The following LNX2 variants were observed in gnomAD, a reference collection of about 807,000 sequenced individuals.
LNX2 encodes ligand of Numb protein X 2.
A neutral mutation model predicts 66.2 loss-of-function variants in LNX2; 35 were observed. The observed-to-expected ratio is 0.53, with a 90% CI of 0.40 to 0.70. The LOEUF (loss-of-function observed/expected upper bound fraction) is 0.70. Ranked by LOEUF, LNX2 falls within the 30% of genes least tolerant of loss-of-function variation. LNX2 has a pLI of 0.00. For missense variants in LNX2, 791 were observed against 850.8 expected (o/e 0.93, Z 0.87); for synonymous variants, 337 against 315.6 (o/e 1.07, Z -0.72).
chr13:27,564,574 C>CA lies in LNX2; in HGVS notation c.856-1794dup, dbSNP rs1955182190. On this transcript the variant is annotated intron_variant, in intron 4 of 9. Transcript: ENST00000316334. ...GCTGCATATGAAACTCTAAGAGTAG[C>CA]AAAAAGCTCTAACAGCATATGGTTC... Among the ~76,000 whole-genome samples the CA allele has an allele frequency of 2.0e-5, 3 of 152,026 alleles. No individual in the cohort carries two copies. In the South Asian group the frequency reaches 6.2e-4, roughly 32 times the overall value.
chr13:27,577,484 G>A (rs565078327), intron 2 of LNX2, among the ~76,000 whole-genome samples: 9 of 151,916 alleles, frequency 5.9e-5, no homozygotes, highest in East Asian at 1.9e-4. Flanking sequence ...TGGGCCACAC[G>A]GGAAGAAGAA....
intron 2 of LNX2, among the ~76,000 whole-genome samples, chr13:27,580,419 T>G (rs2138391059): frequency 6.6e-6 from 1 of 152,242 alleles, no homozygotes; most frequent in Non-Finnish European, 1.5e-5. Context: ...GTATGCATTG[T>G]TTTTCACAGC....
At chr13:27,608,887 C>T (rs1361135213) in intron 1 of LNX2, among the ~76,000 whole-genome samples, 1 of 151,886 alleles carries the variant, frequency 6.6e-6, no homozygotes, top group Non-Finnish European at 1.5e-5. Flanking sequence ...TCACTGCAAC[C>T]TCTGCCTCCC....
At chr13:27,556,111 G>A in intron 7 of LNX2, 125 bp downstream of exon 7, 10 of 884,208 alleles carry the variant, frequency 1.1e-5, no homozygotes, top group Non-Finnish European at 1.7e-5. Context: ...CCATATGCAA[G>A]GGACAGTTTA....
At chr13:27,585,729 T>C (rs79045195) in intron 1 of LNX2, among the ~76,000 whole-genome samples, 42 of 151,888 alleles carry the variant, frequency 2.8e-4, no homozygotes, top group Non-Finnish European at 6.0e-4. Context: ...TTAGCAAGAA[T>C]ATTCACTTAT....
chr13:27,552,905 T>C (rs892191436), intron 8 of LNX2, among the ~76,000 whole-genome samples: 8 of 152,194 alleles, frequency 5.3e-5, no homozygotes, highest in African/African-American at 1.7e-4. Flanking sequence ...TCTCAGCACA[T>C]AGCGGAATGA....
At chr13:27,560,016 T>C in intron 5 of LNX2, 31 bp from the exon 6 acceptor site, 1 of 1,523,712 alleles carries the variant, frequency 6.6e-7, no homozygotes. Flanking sequence ...TTACCATAAG[T>C]GACTAATGAT....
At chr13:27,548,795 G>C (rs913010680) in intron 9 of LNX2, among the ~76,000 whole-genome samples, 1 of 152,070 alleles carries the variant, frequency 6.6e-6, no homozygotes, top group Non-Finnish European at 1.5e-5. Context: ...TTTGAAGGGG[G>C]TTATTATTTT....
At position 27,555,918 on chromosome 13, in the gene LNX2, A is replaced by AT. The variant is rs1955054734; in HGVS notation, c.1546+317dup. ...ACACAGACACTTTATTAAAAGAAAC[A>AT]TTTTTCAGTGAGATGGCCCTTTGGA... On this transcript the variant is annotated intron_variant, in intron 7 of 9. Coordinates refer to ENST00000316334, the MANE Select transcript of LNX2 (RefSeq NM_153371.4). Among the ~76,000 whole-genome samples the AT allele has an allele frequency of 4.6e-5, 7 of 152,216 alleles. No homozygotes were observed. The South Asian group carries it at 1.5e-3, about 32-fold the overall frequency.
rs1954953697 is a variant in LNX2 at position 27,547,450 on chromosome 13, A to T, written c.*885T>A. ...TAATAGTATATTAAGAAATTTCTTT[A>T]GTGTTGTCAGACTTATTTCTTCATC... On this transcript the variant is annotated 3_prime_UTR_variant, in exon 10 of 10. Coordinates refer to ENST00000316334, the MANE Select transcript of LNX2 (RefSeq NM_153371.4). 6.6e-6 allele frequency: 1 copy of T among 152,204 alleles called. No homozygotes were observed. The highest frequency in any genetic ancestry group is 6.5e-5 in the Admixed American group (1 of 15,282). 9.4% of individuals were successfully genotyped at this position (152,204 alleles called of 1,614,324 possible). A position where few individuals can be genotyped will look rare whatever the true frequency, so the allele number is the denominator to read the frequency against.
At chr13:27,574,957 C>G (rs562440084) in intron 2 of LNX2, among the ~76,000 whole-genome samples, 1 of 152,130 alleles carries the variant, frequency 6.6e-6, no homozygotes, top group African/African-American at 2.4e-5. Context: ...AACTCTCAAC[C>G]AGGAAGTCTA....
intron 1 of LNX2, among the ~76,000 whole-genome samples, chr13:27,601,439 C>T (rs1955657527): frequency 6.6e-6 from 1 of 152,176 alleles, no homozygotes; most frequent in African/African-American, 2.4e-5. Flanking sequence ...GCTGAGAAAA[C>T]TGATGACAGC....
chr13:27,609,832 T>A (rs981756424), intron 1 of LNX2, among the ~76,000 whole-genome samples: 1 of 152,212 alleles, frequency 6.6e-6, no homozygotes, highest in Non-Finnish European at 1.5e-5. Flanking sequence ...CTGAATGGTT[T>A]CTTAATGTTA....
chr13:27,601,084 C>CA (rs1275349922), intron 1 of LNX2, among the ~76,000 whole-genome samples: 1 of 152,210 alleles, frequency 6.6e-6, no homozygotes, highest in East Asian at 1.9e-4. Flanking sequence ...TTCACTATTA[C>CA]TACAGGCTGG....
intron 1 of LNX2, among the ~76,000 whole-genome samples, chr13:27,602,464 G>T (rs1302264023): frequency 2.6e-5 from 4 of 152,028 alleles, no homozygotes. Flanking sequence ...ACCTAAATGG[G>T]AACATAGAGT....
chr13:27,610,013 C>G (rs1466251542), intron 1 of LNX2, among the ~76,000 whole-genome samples: 1 of 152,140 alleles, frequency 6.6e-6, no homozygotes, highest in Non-Finnish European at 1.5e-5. Flanking sequence ...AATAAAAGCA[C>G]AAAGCCTAAA....
chr13:27,583,229 TGTGTGTGTGTGTGTGTGTGTGTGTGTGC>T (rs1955433030), intron 1 of LNX2, among the ~76,000 whole-genome samples: 1 of 19,634 alleles, frequency 5.1e-5, no homozygotes, highest in African/African-American at 1.9e-4. Flanking sequence ...TGTGTGTGTG[TGTGTGTGTGTGTGTGTGTGTGTGTGTGC>T]GCGCGTCCTC....
At chr13:27,551,043 T>G (rs1453032058) in intron 8 of LNX2, among the ~76,000 whole-genome samples, 8 of 152,262 alleles carry the variant, frequency 5.3e-5, no homozygotes, top group Non-Finnish European at 2.9e-5. Flanking sequence ...TTACTTAGGA[T>G]GTTTTCATTT....
chr13:27,594,114 A>C (rs1955572805), intron 1 of LNX2, among the ~76,000 whole-genome samples: 1 of 152,132 alleles, frequency 6.6e-6, no homozygotes, highest in Admixed American at 6.5e-5. Flanking sequence ...CTTTTTCAAA[A>C]TTGTTCTAAG....
Sources: gnomAD v4.1 joint callset for allele counts (sites outside exome capture counted in the v4.1 genomes callset) on GRCh38, gnomAD v4.1.1 for gene constraint, MANE v1.5 for transcripts, NCBI Gene and HGNC (gene_info 2026-07-23, HGNC 2026-07-21) for gene names.